The following RERE variants were observed in gnomAD, a reference collection of about 807,000 sequenced individuals.
RERE encodes the protein arginine-glutamic acid dipeptide repeats.
A neutral mutation model predicts 146.1 loss-of-function variants in RERE; 40 were observed. That is an observed-to-expected ratio of 0.27 (90% CI 0.21 to 0.36). RERE has a LOEUF of 0.36. RERE is among the 10% of genes least tolerant of loss of function. The pLI, the probability that RERE is intolerant of heterozygous loss-of-function variation, is 1.00. For synonymous variants in RERE, 1,003 were observed against 866.0 expected (o/e 1.16, Z -2.78); for missense variants, 1,933 against 2,138.7 (o/e 0.90, Z 1.90).
intron 4 of RERE, among the ~76,000 whole-genome samples, chr1:8,613,906 A>G (rs1646820637): frequency 6.6e-6 from 1 of 152,204 alleles, no homozygotes; most frequent in Non-Finnish European, 1.5e-5. Context: ...ACTAAACGAT[A>G]ATAACCCCTA....
At chr1:8,399,105 T>A (rs978327745) in intron 12 of RERE, among the ~76,000 whole-genome samples, 1 of 152,072 alleles carries the variant, frequency 6.6e-6, no homozygotes, top group Non-Finnish European at 1.5e-5. Context: ...TATAGATTTC[T>A]ACAAGTTCTT....
At chr1:8,500,899 G>A (rs1361327189) in intron 8 of RERE, among the ~76,000 whole-genome samples, 10 of 151,542 alleles carry the variant, frequency 6.6e-5, no homozygotes, top group Admixed American at 2.0e-4. Flanking sequence ...CTGCCTGGCC[G>A]CCCCGTCTGA....
rs1557448236 is a variant in RERE at position 8,635,953 on chromosome 1, TTATC to T, written c.326-11577_326-11574del. Among the ~76,000 whole-genome samples, 230 of 41,618 alleles carry T rather than the reference TTATC, an allele frequency of 5.5e-3. 1 individual carries two copies. The highest frequency in any genetic ancestry group is 0.012 in the African/African-American group (220 of 18,404). 27.3% of individuals were successfully genotyped at this position (41,618 alleles called of 152,430 possible). A position where few individuals can be genotyped will look rare whatever the true frequency, so the allele number is the denominator to read the frequency against. On this transcript the variant is annotated intron_variant, in intron 2 of 22. Coordinates refer to ENST00000400908, the MANE Select transcript of RERE (RefSeq NM_001042681.2). The stretch of plus-strand genomic sequence containing the variant: ...TCTTCAATTATTATTTTATTTTATC[TTATC>T]TTATCTTATCTTATCTTATCTTATT...
At chr1:8,481,361 G>T (rs563245337) in intron 10 of RERE, among the ~76,000 whole-genome samples, 142 of 152,248 alleles carry the variant, frequency 9.3e-4, no homozygotes, top group Non-Finnish European at 1.6e-3. Flanking sequence ...TGATCTGCCT[G>T]CCTTGGCCTC....
At chr1:8,651,389 G>C (rs78098121) in intron 2 of RERE, among the ~76,000 whole-genome samples, 1 of 152,116 alleles carries the variant, frequency 6.6e-6, no homozygotes, top group Non-Finnish European at 1.5e-5. Flanking sequence ...CAGTCTGAGC[G>C]ACAGAGTGAG....
At chr1:8,815,829 T>TTGTGTGTGTGTGTGTGTGTGTGTG (rs539845789) in intron 1 of RERE, among the ~76,000 whole-genome samples, 16 of 149,850 alleles carry the variant, frequency 1.1e-4, no homozygotes, top group Non-Finnish European at 1.6e-4. Flanking sequence ...CAGCTTGGTA[T>TTGTGTGTGTGTGTGTGTGTGTGTG]TGTGTGTGTG....
At chr1:8,773,903 G>T (rs1255029926) in intron 1 of RERE, among the ~76,000 whole-genome samples, 1 of 152,090 alleles carries the variant, frequency 6.6e-6, no homozygotes, top group Non-Finnish European at 1.5e-5. Flanking sequence ...AATGAGAAGG[G>T]GAAATGTCAC....
intron 1 of RERE, among the ~76,000 whole-genome samples, chr1:8,675,270 A>G (rs1638808208): frequency 6.6e-6 from 1 of 152,074 alleles, no homozygotes; most frequent in Non-Finnish European, 1.5e-5. Flanking sequence ...TTCCCTATAT[A>G]TAGGCCTGTC....
chr1:8,391,109 A>G (rs1384149756), intron 12 of RERE, among the ~76,000 whole-genome samples: 2 of 152,120 alleles, frequency 1.3e-5, no homozygotes, highest in Non-Finnish European at 2.9e-5. Context: ...AAAATAACAA[A>G]ATAAACAGGA....
chr1:8,537,680 T>C (rs1053953247), intron 7 of RERE, among the ~76,000 whole-genome samples: 4 of 152,222 alleles, frequency 2.6e-5, no homozygotes, highest in Non-Finnish European at 5.9e-5. Context: ...AGTAATTCCA[T>C]GCCAATTACC....
chr1:8,693,564 T>G (rs1294710008), intron 1 of RERE, among the ~76,000 whole-genome samples: 1 of 152,010 alleles, frequency 6.6e-6, no homozygotes, highest in African/African-American at 2.4e-5. Context: ...TTAAAAAAGA[T>G]CAGTGGTGGC....
At chr1:8,386,056 C>T (rs184785259) in intron 12 of RERE, among the ~76,000 whole-genome samples, 1,497 of 65,196 alleles carry the variant, frequency 0.023, 20 homozygotes, top group Middle Eastern at 0.093. Flanking sequence ...TTTCTTGGTT[C>T]ACAGCAGTCA....
chr1:8,404,688 G>A (rs2124447447), intron 12 of RERE, among the ~76,000 whole-genome samples: 1 of 152,316 alleles, frequency 6.6e-6, no homozygotes, highest in Non-Finnish European at 1.5e-5. Context: ...CAGAGAAGAA[G>A]AGTCCTTGGG....
chr1:8,695,253 A>G (rs1301975318), intron 1 of RERE, among the ~76,000 whole-genome samples: 1 of 152,172 alleles, frequency 6.6e-6, no homozygotes, highest in African/African-American at 2.4e-5. Flanking sequence ...TCCCATATAT[A>G]AACATCAACT....
At chr1:8,570,366 T>A (rs1206575492) in intron 4 of RERE, among the ~76,000 whole-genome samples, 4 of 151,994 alleles carry the variant, frequency 2.6e-5, no homozygotes, top group African/African-American at 9.7e-5. Context: ...AAAATAAATT[T>A]TTTTGTAATT....
intron 12 of RERE, among the ~76,000 whole-genome samples, chr1:8,385,989 AAAAAATATATATAT>A (rs1642636948): frequency 3.0e-5 from 1 of 33,450 alleles, no homozygotes; most frequent in African/African-American, 1.2e-4. Flanking sequence ...AAAAAAAAAA[AAAAAATATATATAT>A]ATATATATAT....
chr1:8,378,941 GGTAGA>G (rs1642354766), intron 12 of RERE, among the ~76,000 whole-genome samples: 1 of 152,178 alleles, frequency 6.6e-6, no homozygotes, highest in Non-Finnish European at 1.5e-5. Context: ...GGTGCCAAAG[GGTAGA>G]GTAATGTGGG....
chr1:8,725,645 C>A (rs1330473516), intron 1 of RERE, among the ~76,000 whole-genome samples: 2 of 152,068 alleles, frequency 1.3e-5, no homozygotes, highest in African/African-American at 4.8e-5. Flanking sequence ...CCTTGGTAAT[C>A]CCCACTTTCT....
intron 10 of RERE, among the ~76,000 whole-genome samples, chr1:8,480,247 C>T (rs1644816431): frequency 6.8e-6 from 1 of 148,072 alleles, no homozygotes; most frequent in Admixed American, 6.9e-5. Context: ...TCAAGCAATT[C>T]TCCTGCCTCA....
Sources: gnomAD v4.1 joint callset for allele counts (sites outside exome capture counted in the v4.1 genomes callset) on GRCh38, gnomAD v4.1.1 for gene constraint, MANE v1.5 for transcripts, NCBI Gene and HGNC (gene_info 2026-07-23, HGNC 2026-07-21) for gene names.